Variants in TBCK observed in about 807,000 individuals in gnomAD.
The protein encoded by TBCK is TBC1 domain containing kinase.
A neutral mutation model predicts 113.4 loss-of-function variants in TBCK; 99 were observed. The ratio of observed to expected loss-of-function variants is 0.87; its 90% CI spans 0.74 to 1.03. The LOEUF (loss-of-function observed/expected upper bound fraction) is 1.03, where lower values mean the gene tolerates loss of function less well. Among genes scored for constraint, TBCK ranks in the 50% least tolerant of loss-of-function variants. The probability of loss-of-function intolerance (pLI) is 0.00; values close to 1 mark genes in which losing one functional copy is unlikely to be tolerated. For missense variants in TBCK, 1,045 were observed against 1,061.3 expected, an observed-to-expected ratio of 0.98 and a Z score of 0.21; for synonymous variants, 369 against 370.8, an observed-to-expected ratio of 1.00 and a Z score of 0.05.
Position 106,305,141 on chromosome 4 carries a change from G to GT in TBCK, c.193+3626dup, listed in dbSNP as rs527929083. Among the ~76,000 whole-genome samples, 21 of 151,784 alleles carry GT rather than the reference G, an allele frequency of 1.4e-4. No individual in the cohort carries two copies. In the South Asian group the frequency reaches 2.1e-3, roughly 15 times the overall value. On this transcript the variant is annotated intron_variant, in intron 2 of 25. Transcript: ENST00000394708. The stretch of plus-strand genomic sequence containing the variant: ...CATTAAGCATCAGAGAGTAGAGAAA[G>GT]TTTTTTTTCCTTTTTTACATCTTCA...
rs148716049 is a variant in TBCK, at chr4:106,111,796, G to C, written c.2411+4407C>G. On this transcript the variant is annotated intron_variant, in intron 24 of 25. Coordinates refer to ENST00000394708, the MANE Select transcript of TBCK (RefSeq NM_001163435.3). ...TTCCCAGTCAGTAAGACCTCAAAAG[G>C]TTAAATTAAATACTAGCAACTTACA... Among the ~76,000 whole-genome samples, 46 of 152,206 alleles carry C rather than the reference G, an allele frequency of 3.0e-4. 1 individual carries two copies. Among genetic ancestry groups the C allele is most frequent in the African/African-American group, 1.0e-3 (42 of 41,514 alleles).
At chr4:106,082,598 G>GA (rs986797899) in intron 25 of TBCK, among the ~76,000 whole-genome samples, 42 of 149,088 alleles carry the variant, frequency 2.8e-4, no homozygotes, top group East Asian at 5.9e-4. Flanking sequence ...TAAAAAAATA[G>GA]AAAAAAAAAT....
chr4:106,261,903 AGATTAAATAAT>A lies in TBCK; in HGVS notation c.381+184_381+194del, dbSNP rs1455692915. Reference sequence around the variant, plus strand: ...AAAATAATCCATGTGAAAGATATACAGATTAAATAATTTAAGGATTATTTAATCCTTAAATT... The same window carrying A: ...AAAATAATCCATGTGAAAGATATACATTAAGGATTATTTAATCCTTAAATT... On this transcript the variant is annotated intron_variant, in intron 4 of 25. Coordinates refer to ENST00000394708, the MANE Select transcript of TBCK (RefSeq NM_001163435.3). Among the ~76,000 whole-genome samples, 3 of 151,972 alleles carry A rather than the reference AGATTAAATAAT, an allele frequency of 2.0e-5. No individual in the cohort carries two copies. The East Asian group carries it at 5.8e-4, about 29-fold the overall frequency.
At chr4:106,252,535 T>C (rs1761551671) in intron 5 of TBCK, among the ~76,000 whole-genome samples, 1 of 152,084 alleles carries the variant, frequency 6.6e-6, no homozygotes, top group South Asian at 2.1e-4. Flanking sequence ...CTATACATAT[T>C]GCTATATACC....
At chr4:106,184,702 G>T (rs920444083) in intron 22 of TBCK, among the ~76,000 whole-genome samples, 5 of 151,916 alleles carry the variant, frequency 3.3e-5, no homozygotes, top group Non-Finnish European at 2.9e-5. Context: ...AGAAAAGGAT[G>T]GTACAATATG....
intron 3 of TBCK, among the ~76,000 whole-genome samples, chr4:106,286,964 A>G (rs1380530474): frequency 6.6e-6 from 1 of 152,148 alleles, no homozygotes; most frequent in Non-Finnish European, 1.5e-5. Flanking sequence ...CTTTTGAATC[A>G]CCAACTTCTT....
At chr4:106,084,308 C>G (rs1739246471) in intron 25 of TBCK, among the ~76,000 whole-genome samples, 1 of 151,954 alleles carries the variant, frequency 6.6e-6, no homozygotes, top group African/African-American at 2.4e-5. Flanking sequence ...TATCAACAGC[C>G]AAACTGACCA....
At chr4:106,230,968 C>A (rs894987605) in intron 18 of TBCK, among the ~76,000 whole-genome samples, 3 of 151,742 alleles carry the variant, frequency 2.0e-5, no homozygotes, top group South Asian at 2.1e-4. Flanking sequence ...TATCACAGAA[C>A]AGAGTATTTT....
At chr4:106,242,819 C>T (rs1467028714) in intron 11 of TBCK, among the ~76,000 whole-genome samples, 2 of 150,342 alleles carry the variant, frequency 1.3e-5, no homozygotes, top group East Asian at 2.0e-4. Context: ...CCCATTAACT[C>T]GTCATTTAGC....
intron 3 of TBCK, among the ~76,000 whole-genome samples, chr4:106,265,360 A>C (rs1395268851): frequency 6.6e-6 from 1 of 151,962 alleles, no homozygotes; most frequent in Non-Finnish European, 1.5e-5. Flanking sequence ...CCCCCGAAGT[A>C]TTTATCCTTT....
intron 3 of TBCK, among the ~76,000 whole-genome samples, chr4:106,265,756 C>CCT (rs1237885708): frequency 6.6e-6 from 1 of 151,620 alleles, no homozygotes; most frequent in African/African-American, 2.4e-5. Flanking sequence ...GTGAGTACTC[C>CCT]CTCTCCACCC....
At chr4:106,202,326 A>C (rs1017527151) in intron 20 of TBCK, among the ~76,000 whole-genome samples, 8 of 151,996 alleles carry the variant, frequency 5.3e-5, no homozygotes, top group Non-Finnish European at 1.0e-4. Flanking sequence ...AATACTAATA[A>C]GAAAACAGAA....
intron 22 of TBCK, among the ~76,000 whole-genome samples, chr4:106,187,813 C>G (rs1321274694): frequency 6.6e-6 from 1 of 152,080 alleles, no homozygotes; most frequent in Non-Finnish European, 1.5e-5. Flanking sequence ...TTTTTATTGG[C>G]TATTGTAAGT....
intron 3 of TBCK, among the ~76,000 whole-genome samples, chr4:106,275,021 A>G (rs886707121): frequency 1.3e-5 from 2 of 152,058 alleles, no homozygotes; most frequent in Admixed American, 6.5e-5. Flanking sequence ...AGTCCCAGCT[A>G]CTTGGGAGGG....
intron 4 of TBCK, among the ~76,000 whole-genome samples, chr4:106,260,896 A>G (rs1056602881): frequency 2.4e-4 from 36 of 152,082 alleles, no homozygotes; most frequent in African/African-American, 8.2e-4. Context: ...ATTTTTTTCC[A>G]TGGAGTTGAA....
rs1270661259 is a variant in TBCK at position 106,041,678 on chromosome 4, C to G, written c.*4892G>C. 1 of 152,028 alleles carries G rather than the reference C, an allele frequency of 6.6e-6. No homozygotes were observed. Among genetic ancestry groups the G allele is most frequent in the Non-Finnish European group, 1.5e-5 (1 of 68,008 alleles). 9.4% of individuals were successfully genotyped at this position (152,028 alleles called of 1,614,324 possible). On this transcript the variant is annotated 3_prime_UTR_variant, in exon 26 of 26. Transcript: ENST00000394708. ...ATTGAAATGCTGCAGACAATGCAAA[C>G]TAATAATAGGTCCTCTGAAAGGAAT... is the stretch of plus-strand genomic sequence containing the variant.
chr4:106,283,732 C>T (rs1295157631), intron 3 of TBCK, among the ~76,000 whole-genome samples: 1 of 151,502 alleles, frequency 6.6e-6, no homozygotes, highest in Non-Finnish European at 1.5e-5. Flanking sequence ...AGATCCTATG[C>T]TAATAAGATG....
intron 3 of TBCK, among the ~76,000 whole-genome samples, chr4:106,287,503 C>T (rs1765233284): frequency 6.6e-6 from 1 of 152,168 alleles, no homozygotes; most frequent in South Asian, 2.1e-4. Context: ...TCCTCTCCAA[C>T]ACAGAATACA....
chr4:106,285,619 T>C (rs1396159045), intron 3 of TBCK, among the ~76,000 whole-genome samples: 2 of 152,136 alleles, frequency 1.3e-5, no homozygotes, highest in South Asian at 2.1e-4. Context: ...AAAATATATA[T>C]CAAGTAAGAT....
Sources: gnomAD v4.1 joint callset for allele counts (sites outside exome capture counted in the v4.1 genomes callset) on GRCh38, gnomAD v4.1.1 for gene constraint, MANE v1.5 for transcripts, NCBI Gene and HGNC (gene_info 2026-07-23, HGNC 2026-07-21) for gene names.